The following OPCML variants were observed in gnomAD, a reference collection of about 807,000 sequenced individuals.
OPCML encodes opioid binding protein/cell adhesion molecule like.
In OPCML, 13 loss-of-function variants were observed where a neutral mutation model predicts 37.8. That is an observed-to-expected ratio of 0.34 (90% CI 0.22 to 0.55). The LOEUF (loss-of-function observed/expected upper bound fraction) is 0.55, where lower values mean the gene tolerates loss of function less well. Ranked by LOEUF, OPCML falls within the 20% of genes least tolerant of loss-of-function variation. The pLI, the probability that OPCML is intolerant of heterozygous loss-of-function variation, is 0.91. For synonymous variants in OPCML, 176 were observed against 168.8 expected (o/e 1.04, Z -0.33); for missense variants, 341 against 435.6 (o/e 0.78, Z 1.93).
At chr11:132,970,496 C>A (rs1311350718) in intron 1 of OPCML, among the ~76,000 whole-genome samples, 1 of 152,150 alleles carries the variant, frequency 6.6e-6, no homozygotes, top group African/African-American at 2.4e-5. Flanking sequence ...ACATACCAGG[C>A]TGATCTCCTT....
intron 2 of OPCML, among the ~76,000 whole-genome samples, chr11:132,927,097 G>A (rs918503137): frequency 4.6e-5 from 7 of 151,892 alleles, no homozygotes; most frequent in South Asian, 2.1e-4. Context: ...TGAGAGTTCC[G>A]GGAAAAGAAA....
At chr11:132,572,643 A>T (rs1433106706) in intron 3 of OPCML, among the ~76,000 whole-genome samples, 2 of 151,984 alleles carry the variant, frequency 1.3e-5, no homozygotes, top group African/African-American at 4.8e-5. Flanking sequence ...TACAGTTTTG[A>T]TTACTATGGC....
At chr11:132,747,351 A>C (rs924730270) in intron 2 of OPCML, among the ~76,000 whole-genome samples, 1 of 152,220 alleles carries the variant, frequency 6.6e-6, no homozygotes, top group Non-Finnish European at 1.5e-5. Context: ...GGTGAAGCAC[A>C]GTGACAAAGA....
At chr11:132,688,699 A>AAAAGCTCC (rs368503929) in intron 2 of OPCML, among the ~76,000 whole-genome samples, 3 of 109,178 alleles carry the variant, frequency 2.7e-5, no homozygotes, top group African/African-American at 7.3e-5. Context: ...ATAAAAATAG[A>AAAAGCTCC]TTGGGAGGCC....
At chr11:132,556,030 C>G (rs2096394772) in intron 3 of OPCML, among the ~76,000 whole-genome samples, 1 of 152,082 alleles carries the variant, frequency 6.6e-6, no homozygotes, top group Non-Finnish European at 1.5e-5. Flanking sequence ...CCTCGACCTC[C>G]TGGGCTCAAG....
At chr11:133,210,064 G>A (rs535211083) in intron 1 of OPCML, among the ~76,000 whole-genome samples, 5 of 152,304 alleles carry the variant, frequency 3.3e-5, no homozygotes, top group African/African-American at 9.6e-5. Context: ...GTGCTACCGC[G>A]ACAATGCATA....
In OPCML at chr11:132,910,626, G is replaced by C. The variant is rs114373295; in HGVS notation, c.146+32300C>G. ...GGGCAGTGCCTCCCATTACGTGAGT[G>C]ACAGATGATCCCTTCATCACCTGGT... is the stretch of plus-strand genomic sequence containing the variant. On this transcript the variant is annotated intron_variant, in intron 2 of 7. Transcript: ENST00000524381. Among the ~76,000 whole-genome samples, 983 of 152,296 alleles carry C rather than the reference G, an allele frequency of 6.5e-3. 9 individuals are homozygous for C. The highest frequency in any genetic ancestry group is 0.022 in the African/African-American group (928 of 41,560).
chr11:132,643,236 C>T (rs558287741), intron 3 of OPCML, among the ~76,000 whole-genome samples: 5 of 152,294 alleles, frequency 3.3e-5, no homozygotes, highest in South Asian at 2.1e-4. Context: ...GAGACAATGC[C>T]GCTGCACTCC....
intron 2 of OPCML, among the ~76,000 whole-genome samples, chr11:132,703,788 T>C (rs751894675): frequency 6.6e-6 from 1 of 152,004 alleles, no homozygotes; most frequent in Non-Finnish European, 1.5e-5. Context: ...TCCACAGGGG[T>C]GGGCCTAAAG....
At chr11:132,536,626 G>C (rs982208253) in intron 3 of OPCML, among the ~76,000 whole-genome samples, 1 of 151,992 alleles carries the variant, frequency 6.6e-6, no homozygotes, top group East Asian at 1.9e-4. Flanking sequence ...AACACTCAAG[G>C]CTATTTTACA....
At chr11:133,151,362 G>T (rs931262655) in intron 1 of OPCML, among the ~76,000 whole-genome samples, 11 of 151,970 alleles carry the variant, frequency 7.2e-5, no homozygotes, top group African/African-American at 2.7e-4. Context: ...GGCCTCAGAG[G>T]CTCCCACACA....
chr11:133,135,875 AC>A (rs1242474881), intron 1 of OPCML, among the ~76,000 whole-genome samples: 2 of 152,324 alleles, frequency 1.3e-5, no homozygotes, highest in Admixed American at 6.5e-5. Context: ...TTATCTTGGA[AC>A]CACAAGAGAA....
chr11:132,986,279 T>C (rs1398689482), intron 1 of OPCML, among the ~76,000 whole-genome samples: 1 of 152,138 alleles, frequency 6.6e-6, no homozygotes, highest in Non-Finnish European at 1.5e-5. Flanking sequence ...AGAAAATATC[T>C]CAATTTTTTT....
chr11:133,345,714 C>T lies in OPCML; in HGVS notation c.61+186550G>A, dbSNP rs1007687728. On this transcript the variant is annotated intron_variant, in intron 1 of 7. Coordinates refer to ENST00000524381, the MANE Select transcript of OPCML (RefSeq NM_001012393.5). The stretch of plus-strand genomic sequence containing the variant: ...TAGGGCCGTAGAGAGCAAATTTAAT[C>T]GATCTTCAGATCCGTGAAGAAAGAG... Among the ~76,000 whole-genome samples the T allele has an allele frequency of 1.2e-4, 18 of 152,298 alleles. No homozygotes were observed. The South Asian group carries it at 3.3e-3, about 28-fold the overall frequency.
At chr11:132,645,983 G>A (rs1363585218) in intron 3 of OPCML, among the ~76,000 whole-genome samples, 6 of 152,180 alleles carry the variant, frequency 3.9e-5, no homozygotes, top group Non-Finnish European at 8.8e-5. Context: ...AAACGAAGAA[G>A]AATGCAGGAT....
At chr11:133,340,759 T>C (rs950441932) in intron 1 of OPCML, among the ~76,000 whole-genome samples, 2 of 151,990 alleles carry the variant, frequency 1.3e-5, no homozygotes, top group African/African-American at 4.8e-5. Context: ...GTGTGCTAGG[T>C]AGAGAGAGGC....
At chr11:133,049,960 A>G (rs1948099845) in intron 1 of OPCML, among the ~76,000 whole-genome samples, 1 of 152,222 alleles carries the variant, frequency 6.6e-6, no homozygotes, top group African/African-American at 2.4e-5. Flanking sequence ...CTCCTGTACA[A>G]GGATTTTGTA....
In OPCML at chr11:133,450,758, G is replaced by T. The variant is rs76823132; in HGVS notation, c.61+81506C>A. On this transcript the variant is annotated intron_variant, in intron 1 of 7. Coordinates refer to ENST00000524381, the MANE Select transcript of OPCML (RefSeq NM_001012393.5). ...ACAGTATAGGCAAAGAAAAGAGGTG[G>T]TGGTCCTATTGGAGTGACAGTTATT... Among the ~76,000 whole-genome samples the T allele has an allele frequency of 4.8e-4, 73 of 151,684 alleles. 3 individuals are homozygous for T. Among genetic ancestry groups the T allele is most frequent in the African/African-American group, 1.7e-3 (69 of 41,020 alleles).
chr11:133,214,580 T>G (rs957225027), intron 1 of OPCML, among the ~76,000 whole-genome samples: 14 of 152,238 alleles, frequency 9.2e-5, no homozygotes, highest in African/African-American at 2.9e-4. Context: ...TCCATATAGT[T>G]CATACTCATT....
Sources: allele counts gnomAD v4.1 joint callset (sites outside exome capture counted in the v4.1 genomes callset), GRCh38; gene constraint gnomAD v4.1.1; transcripts MANE v1.5; gene names NCBI Gene and HGNC (gene_info 2026-07-23, HGNC 2026-07-21).